The following GSK3B variants were observed in gnomAD, a reference collection of about 807,000 sequenced individuals.
GSK3B encodes glycogen synthase kinase-3 beta.
GSK3B carries 15 observed loss-of-function variants against 56.4 expected under a neutral mutation model. The observed-to-expected ratio is 0.27, with a 90% confidence interval of 0.18 to 0.41. GSK3B has a LOEUF of 0.41. GSK3B is among the 10% of genes least tolerant of loss of function. The pLI is 1.00. For synonymous variants in GSK3B, 181 were observed against 188.9 expected (o/e 0.96, Z 0.34); for missense variants, 300 against 513.4 (o/e 0.58, Z 4.02).
chr3:119,935,525 T>C (rs2107479058), intron 3 of GSK3B, among the ~76,000 whole-genome samples: 1 of 152,268 alleles, frequency 6.6e-6, no homozygotes, highest in East Asian at 1.9e-4. Context: ...CAATCCCCAC[T>C]ACCCCAACTT....
chr3:119,960,220 C>A (rs1472271992), intron 2 of GSK3B, among the ~76,000 whole-genome samples: 2 of 142,190 alleles, frequency 1.4e-5, no homozygotes, highest in Non-Finnish European at 3.0e-5. Flanking sequence ...ATTTTTATAA[C>A]CTTCTTGAAA....
At chr3:119,859,766 C>T (rs1451894932) in intron 9 of GSK3B, among the ~76,000 whole-genome samples, 1 of 152,084 alleles carries the variant, frequency 6.6e-6, no homozygotes, top group Non-Finnish European at 1.5e-5. Context: ...ACTCTTACCC[C>T]CCGCCCCAAA....
chr3:119,905,702 A>C, intron 7 of GSK3B, 53 bp downstream of exon 7: 1 of 990,446 alleles, frequency 1.0e-6, no homozygotes, highest in Non-Finnish European at 1.6e-6. Flanking sequence ...ATATATTATT[A>C]AAGTAGCACA....
At chr3:119,948,067 C>G (rs1465149064) in intron 2 of GSK3B, among the ~76,000 whole-genome samples, 1 of 152,132 alleles carries the variant, frequency 6.6e-6, no homozygotes, top group Non-Finnish European at 1.5e-5. Flanking sequence ...TGTACATTAA[C>G]AAAGAGGTTA....
chr3:119,977,913 A>C (rs941271673), intron 2 of GSK3B, among the ~76,000 whole-genome samples: 2 of 152,200 alleles, frequency 1.3e-5, no homozygotes, highest in Non-Finnish European at 2.9e-5. Context: ...CAAAACACTG[A>C]AGAAGAGAAA....
intron 8 of GSK3B, among the ~76,000 whole-genome samples, chr3:119,864,302 A>G (rs947931919): frequency 1.3e-5 from 2 of 152,196 alleles, no homozygotes; most frequent in Non-Finnish European, 2.9e-5. Flanking sequence ...AGAAAAAGTC[A>G]ACTGAAGGCT....
intron 9 of GSK3B, among the ~76,000 whole-genome samples, chr3:119,854,042 A>C (rs1055809549): frequency 2.4e-4 from 36 of 151,810 alleles, no homozygotes; most frequent in African/African-American, 8.7e-4. Context: ...ATTCAGTATG[A>C]TATTGGCTGT....
chr3:119,928,638 G>A (rs1223105674), intron 3 of GSK3B, among the ~76,000 whole-genome samples: 7 of 144,000 alleles, frequency 4.9e-5, no homozygotes, highest in Admixed American at 6.9e-5. Context: ...AAAAAAAAGA[G>A]GGAAAAGGGA....
chr3:119,940,110 TTG>T (rs56939160), intron 3 of GSK3B, among the ~76,000 whole-genome samples: 3,577 of 148,736 alleles, frequency 0.024, 108 homozygotes, highest in African/African-American at 0.069. Flanking sequence ...GTGTGTGTGT[TTG>T]TGTGTGTGTG....
chr3:120,075,404 G>A (rs947149547), intron 1 of GSK3B, among the ~76,000 whole-genome samples: 5 of 151,466 alleles, frequency 3.3e-5, no homozygotes, highest in African/African-American at 1.2e-4. Flanking sequence ...AGAGTATTTA[G>A]ACAAGAAAAA....
Position 120,013,965 on chromosome 3 carries a change from T to C in GSK3B, c.89-11726A>G, listed in dbSNP as rs1337895533. ...TGAGTGGATCACCTGAGGTCAGGAG[T>C]TCGAGACCAGCCTGGCCAACATGGC... is the stretch of plus-strand genomic sequence containing the variant. On this transcript the variant is annotated intron_variant, in intron 1 of 10. Coordinates refer to ENST00000264235, the MANE Select transcript of GSK3B (RefSeq NM_001146156.2). 3.4e-5 allele frequency among the ~76,000 whole-genome samples: 5 copies of C among 147,056 alleles called. No homozygotes were observed. In the East Asian group the frequency reaches 7.9e-4, roughly 23 times the overall value.
chr3:119,907,017 C>A (rs1380128695), intron 6 of GSK3B, among the ~76,000 whole-genome samples: 1 of 151,962 alleles, frequency 6.6e-6, no homozygotes, highest in Non-Finnish European at 1.5e-5. Context: ...GACCAAGAGT[C>A]CTATTTAATA....
At chr3:120,072,387 T>C (rs1214484160) in intron 1 of GSK3B, among the ~76,000 whole-genome samples, 1 of 152,062 alleles carries the variant, frequency 6.6e-6, no homozygotes, top group Middle Eastern at 3.2e-3. Context: ...GCGAACACCA[T>C]GGTAGTTCGC....
chr3:119,930,474 C>A (rs952223530), intron 3 of GSK3B, among the ~76,000 whole-genome samples: 2 of 152,016 alleles, frequency 1.3e-5, no homozygotes, highest in African/African-American at 4.8e-5. Flanking sequence ...CAATTTATAA[C>A]CTCTGATTTC....
In GSK3B at chr3:119,826,566, C is replaced by A. The variant is rs577837728; in HGVS notation, c.*222G>T. The A allele has an allele frequency of 9.2e-5, 54 of 584,380 alleles. No homozygotes were observed. In the African/African-American group the frequency reaches 9.7e-4, roughly 10 times the overall value. The allele number at this position is 584,380 out of a possible 1,614,324, so 36.2% of individuals were successfully genotyped here. On this transcript the variant is annotated 3_prime_UTR_variant, in exon 11 of 11. Transcript: ENST00000264235. ...TTCCCCCTCCCCACAACCCCTCCCA[C>A]CCCCTGGATCTCCCTCAAAGTGAGA...
chr3:119,905,639 C>G (rs899193610), intron 7 of GSK3B, 116 bp downstream of exon 7: 5 of 695,068 alleles, frequency 7.2e-6, no homozygotes, highest in Non-Finnish European at 1.3e-5. Context: ...TGCTACGTGA[C>G]CTTGGATTGC....
chr3:119,931,894 T>C (rs1443295034), intron 3 of GSK3B, among the ~76,000 whole-genome samples: 1 of 152,208 alleles, frequency 6.6e-6, no homozygotes, highest in African/African-American at 2.4e-5. Context: ...TCAGTTTTCC[T>C]AGTTATTAAT....
chr3:119,968,595 A>T (rs1275874585), intron 2 of GSK3B, among the ~76,000 whole-genome samples: 1 of 152,220 alleles, frequency 6.6e-6, no homozygotes, highest in Non-Finnish European at 1.5e-5. Flanking sequence ...GTAAAATTCA[A>T]ATTTACTTCT....
chr3:120,057,118 C>G (rs1372507195), intron 1 of GSK3B, among the ~76,000 whole-genome samples: 1 of 152,120 alleles, frequency 6.6e-6, no homozygotes, highest in Non-Finnish European at 1.5e-5. Flanking sequence ...GCACTCCCGC[C>G]TGGGCAACAG....
Sources: gnomAD v4.1 joint callset for allele counts (sites outside exome capture counted in the v4.1 genomes callset) on GRCh38, gnomAD v4.1.1 for gene constraint, MANE v1.5 for transcripts, NCBI Gene and HGNC (gene_info 2026-07-23, HGNC 2026-07-21) for gene names.